The following ZNF541 variants were observed in gnomAD, a reference collection of about 807,000 sequenced individuals.
ZNF541 encodes the protein zinc finger protein 541.
In ZNF541, 23 loss-of-function variants were observed where a neutral mutation model predicts 123.5. The observed-to-expected ratio is 0.19, with a 90% CI of 0.13 to 0.26. ZNF541 has a LOEUF of 0.26. Ranked by LOEUF, ZNF541 falls within the 10% of genes least tolerant of loss-of-function variation. ZNF541 has a pLI of 1.00. For synonymous variants in ZNF541, 751 were observed against 754.5 expected (o/e 1.00, Z 0.08); for missense variants, 1,612 against 1,789.9 (o/e 0.90, Z 1.79).
At chr19:47,551,423 A>G (rs1970594756) in intron 3 of ZNF541, among the ~76,000 whole-genome samples, 1 of 150,606 alleles carries the variant, frequency 6.6e-6, no homozygotes, top group African/African-American at 2.5e-5. Context: ...TGCAGGGGTT[A>G]TTCACAGACG....
intron 3 of ZNF541, among the ~76,000 whole-genome samples, chr19:47,554,904 GC>G (rs1027572507): frequency 6.6e-6 from 1 of 151,960 alleles, no homozygotes; most frequent in African/African-American, 2.4e-5. Context: ...GACCAGCCTG[GC>G]CAATATGATG....
At chr19:47,542,774 C>T (rs939772715) in intron 5 of ZNF541, among the ~76,000 whole-genome samples, 1 of 152,042 alleles carries the variant, frequency 6.6e-6, no homozygotes, top group Non-Finnish European at 1.5e-5. Flanking sequence ...GGTGAAACCT[C>T]GTCTCTACTA....
At chr19:47,569,520 T>A (rs1807513562) in intron 2 of ZNF541, among the ~76,000 whole-genome samples, 1 of 152,110 alleles carries the variant, frequency 6.6e-6, no homozygotes, top group African/African-American at 2.4e-5. Context: ...CACTTGAGAC[T>A]GGGACTCCTG....
intron 2 of ZNF541, among the ~76,000 whole-genome samples, chr19:47,565,854 C>T (rs963627297): frequency 2.6e-5 from 4 of 151,860 alleles, no homozygotes; most frequent in Non-Finnish European, 4.4e-5. Context: ...ATTGGGGATC[C>T]GAAGCAATTT....
intron 2 of ZNF541, among the ~76,000 whole-genome samples, chr19:47,563,137 A>T (rs2123375400): frequency 1.3e-5 from 2 of 152,330 alleles, no homozygotes; most frequent in Middle Eastern, 6.8e-3. Context: ...GCGTGTATGC[A>T]GCCTATTGAG....
At chr19:47,555,988 G>T (rs1970807255) in intron 2 of ZNF541, 34 bp from the exon 3 acceptor site, 2 of 991,578 alleles carry the variant, frequency 2.0e-6, no homozygotes, top group South Asian at 1.7e-5. Flanking sequence ...AAAGTTATTA[G>T]GTGGCAAAAC....
intron 14 of ZNF541, among the ~76,000 whole-genome samples, chr19:47,527,644 C>A (rs1969358473): frequency 6.6e-6 from 1 of 152,144 alleles, no homozygotes; most frequent in African/African-American, 2.4e-5. Context: ...AATCCTCCCA[C>A]CTTGGCCTCC....
chr19:47,563,888 A>T (rs529293196), intron 2 of ZNF541, among the ~76,000 whole-genome samples: 1 of 151,928 alleles, frequency 6.6e-6, no homozygotes, highest in African/African-American at 2.4e-5. Flanking sequence ...TTACAGGCAT[A>T]AGCCCCCGCG....
In ZNF541 at chr19:47,545,380, G is replaced by A; in HGVS notation, c.1149C>T (p.Cys383=). ...ALLQARSTAE[C]WPEGGSVPAC... is the part of the protein sequence containing the mutation. The stretch of plus-strand genomic sequence containing the variant: ...CAGGCACGGAGCCGCCTTCGGGCCA[G>A]CACTCCGCGGTGGACCGGGCCTGGA... Residue 383 remains cysteine (C), a synonymous_variant, in exon 5 of 17, where the codon TGC becomes TGT. Coordinates refer to ENST00000391901, the MANE Select transcript of ZNF541 (RefSeq NM_001277075.3). The surrounding 1 kb of genome is among the most constrained non-coding windows in gnomAD (Gnocchi z 7.5). 1 of 1,528,308 alleles carries A rather than the reference G, an allele frequency of 6.5e-7. No individual in the cohort carries two copies. The highest frequency in any genetic ancestry group is 8.8e-7 in the Non-Finnish European group (1 of 1,135,282). 94.7% of individuals were successfully genotyped at this position (1,528,308 alleles called of 1,614,324 possible).
At chr19:47,530,171 G>GTTT (rs749336259) in intron 12 of ZNF541, among the ~76,000 whole-genome samples, 2 of 137,448 alleles carry the variant, frequency 1.5e-5, no homozygotes, top group Non-Finnish European at 1.6e-5. Context: ...AATTTTCTTT[G>GTTT]TTTTTTCTTT....
chr19:47,549,605 T>G, intron 3 of ZNF541, 120 bp from the exon 4 acceptor site: 2 of 1,412,712 alleles, frequency 1.4e-6, no homozygotes, highest in African/African-American at 1.4e-5. Flanking sequence ...GCGAGAACTC[T>G]TGCTCCACAC....
intron 2 of ZNF541, among the ~76,000 whole-genome samples, chr19:47,564,444 ACTCT>A (rs1261871420): frequency 6.6e-6 from 1 of 151,196 alleles, no homozygotes; most frequent in Non-Finnish European, 1.5e-5. Flanking sequence ...TAGGTACAAA[ACTCT>A]CTGCTAGCCC....
At chr19:47,556,707 T>C (rs1970835594) in intron 2 of ZNF541, among the ~76,000 whole-genome samples, 1 of 152,060 alleles carries the variant, frequency 6.6e-6, no homozygotes, top group African/African-American at 2.4e-5. Context: ...AAAAAGTCAA[T>C]TTAATACGTT....
At position 47,539,725 on chromosome 19, in the gene ZNF541, G is replaced by T. The variant is rs1017110574; in HGVS notation, c.2776C>A (p.His926Asn). The T allele has an allele frequency of 1.5e-5, 22 of 1,438,758 alleles. No individual in the cohort carries two copies. Among genetic ancestry groups the T allele is most frequent in the Non-Finnish European group, 1.9e-5 (21 of 1,100,470 alleles). 89.1% of individuals were successfully genotyped at this position (1,438,758 alleles called of 1,614,324 possible). The part of the protein sequence containing the change: ...QSIPVVPVTR[H>N]IGSMAMGQEK... ...CCCACCATGGCCATGCTCCCTATGT[G>T]TCGGGTCACTGGAACCACGGGGATC... The change falls in exon 8 of 17, where the codon CAC becomes AAC. Residue 926 changes from histidine (H) to asparagine (N), a missense_variant. Transcript: ENST00000391901.
chr19:47,544,105 C>T, intron 5 of ZNF541, 21 bp downstream of exon 5: 5 of 1,531,056 alleles, frequency 3.3e-6, no homozygotes, highest in Non-Finnish European at 4.4e-6. Flanking sequence ...CTGGTCAGGC[C>T]ACGTGAGAGA....
chr19:47,530,611 A>G (rs1171169873), intron 12 of ZNF541, among the ~76,000 whole-genome samples: 1 of 152,144 alleles, frequency 6.6e-6, no homozygotes, highest in Non-Finnish European at 1.5e-5. Context: ...ATGAAGATGC[A>G]GGACTCCTTG....
At chr19:47,553,002 G>A (rs943218709) in intron 3 of ZNF541, among the ~76,000 whole-genome samples, 10 of 151,380 alleles carry the variant, frequency 6.6e-5, no homozygotes, top group East Asian at 5.9e-4. Flanking sequence ...CCAGCTACTC[G>A]GGAGGCTGAG....
Position 47,540,878 on chromosome 19 carries a change from G to A in ZNF541, c.2462+15C>T, listed in dbSNP as rs905359576. The A allele has an allele frequency of 6.4e-7, 1 of 1,550,842 alleles. No homozygotes were observed. Among genetic ancestry groups the A allele is most frequent in the Non-Finnish European group, 8.7e-7 (1 of 1,146,698 alleles). ...CTGCCAGGGTGCATGCAGGATCGGG[G>A]GCTTCTTAACTTACCCTCTGCCTGC... is the stretch of plus-strand genomic sequence containing the variant. On this transcript the variant is annotated intron_variant, in intron 6 of 16. Coordinates refer to ENST00000391901, the MANE Select transcript of ZNF541 (RefSeq NM_001277075.3).
chr19:47,529,162 A>T (rs1969446152), intron 13 of ZNF541, 124 bp from the exon 14 acceptor site: 1 of 732,236 alleles, frequency 1.4e-6, no homozygotes, highest in Admixed American at 2.8e-5. Context: ...TGCCAATCTC[A>T]TAAAAAACTC....
Sources: gnomAD v4.1 joint callset for allele counts (sites outside exome capture counted in the v4.1 genomes callset) on GRCh38, gnomAD v4.1.1 for gene constraint, Gnocchi (gnomAD v3.1) non-coding constraint, MANE v1.5 for transcripts, NCBI Gene and HGNC (gene_info 2026-07-23, HGNC 2026-07-21) for gene names.